Variants in KLRG2 observed in about 807,000 individuals in gnomAD.
KLRG2 encodes killer cell lectin-like receptor subfamily G member 2.
In KLRG2, 39 loss-of-function variants were observed where a neutral mutation model predicts 35.4. That is an observed-to-expected ratio of 1.10 (90% confidence interval 0.85 to 1.44). The LOEUF (loss-of-function observed/expected upper bound fraction) is 1.44. KLRG2 is among the 40% of genes most tolerant of loss of function. The pLI is 0.00. For synonymous variants in KLRG2, 283 were observed against 265.8 expected (o/e 1.06, Z -0.63); for missense variants, 632 against 570.9 (o/e 1.11, Z -1.09).
chr7:139,463,124 C>T (rs542136500), intron 3 of KLRG2, among the ~76,000 whole-genome samples: 4 of 152,220 alleles, frequency 2.6e-5, no homozygotes, highest in South Asian at 2.1e-4. Flanking sequence ...TTTCTTTATC[C>T]GACCTCTCCC....
intron 3 of KLRG2, among the ~76,000 whole-genome samples, chr7:139,465,537 A>G (rs1193718777): frequency 2.0e-5 from 3 of 151,952 alleles, no homozygotes; most frequent in African/African-American, 7.3e-5. Flanking sequence ...CTAAAAATAC[A>G]AAAAATTAGC....
chr7:139,444,288 G>C, the KLRG2 span, among the ~76,000 whole-genome samples: 1 of 152,180 alleles, frequency 6.6e-6, no homozygotes, highest in Middle Eastern at 3.4e-3. Flanking sequence ...ATCCAATCAA[G>C]TTGACACTCA....
At position 139,480,258 on chromosome 7, in the gene KLRG2, G is replaced by T. The variant is rs370662949; in HGVS notation, c.758-11C>A. On this transcript the variant is annotated splice_polypyrimidine_tract_variant and intron_variant, in intron 1 of 4. Coordinates refer to ENST00000340940, the MANE Select transcript of KLRG2 (RefSeq NM_198508.4). Reference sequence around the variant, plus strand: ...CGTACATGGGTAGCCCTGGGACGGGGGCAAACAGGATAATCAGATTAGTGG... The same window carrying T: ...CGTACATGGGTAGCCCTGGGACGGGTGCAAACAGGATAATCAGATTAGTGG... 3.9e-5 allele frequency: 58 copies of T among 1,498,890 alleles called. No homozygotes were observed. The highest frequency in any genetic ancestry group is 1.7e-4 in the Middle Eastern group (1 of 5,860). The allele number at this position is 1,498,890 out of a possible 1,614,324, so 92.8% of individuals were successfully genotyped here.
Position 139,480,181 on chromosome 7 carries a change from G to A in KLRG2, c.824C>T (p.Ser275Phe), listed in dbSNP as rs1796930462. 12 of 1,613,892 alleles carry A rather than the reference G, an allele frequency of 7.4e-6. No homozygotes were observed. Among genetic ancestry groups the A allele is most frequent in the Non-Finnish European group, 8.5e-6 (10 of 1,179,868 alleles). ...LAFMAVLLAV[S>F]GVVIVVLASR... ...GGCCAGGACCACAATGACAACCCCA[G>A]AGACTGCCAGGAGCACAGCCATGAA... The change falls in exon 2 of 5, where the codon TCT becomes TTT. Residue 275 changes from serine to phenylalanine, a missense_variant. Coordinates refer to ENST00000340940, the MANE Select transcript of KLRG2 (RefSeq NM_198508.4).
At chr7:139,427,706 C>G in the KLRG2 span, among the ~76,000 whole-genome samples, 5 of 152,188 alleles carry the variant, frequency 3.3e-5, no homozygotes, top group Non-Finnish European at 5.9e-5. Flanking sequence ...CATCTTGTGT[C>G]TCTTAAGAGC....
At chr7:139,431,923 C>T in the KLRG2 span, among the ~76,000 whole-genome samples, 2 of 152,130 alleles carry the variant, frequency 1.3e-5, no homozygotes, top group African/African-American at 2.4e-5. Context: ...CAGAACTTCT[C>T]AACCCAGGCT....
chr7:139,445,797 G>GTATATATATATATATATATATGTGTA, the KLRG2 span, among the ~76,000 whole-genome samples: 8 of 99,022 alleles, frequency 8.1e-5, no homozygotes, highest in African/African-American at 6.1e-4. Context: ...ATATATGTGT[G>GTATATATATATATATATATATGTGTA]TATATATATA....
At chr7:139,459,651 C>T (rs570183533) in intron 3 of KLRG2, among the ~76,000 whole-genome samples, 1 of 152,364 alleles carries the variant, frequency 6.6e-6, no homozygotes, top group East Asian at 1.9e-4. Flanking sequence ...GGTGCCCTGG[C>T]ATATTCCCCC....
intron 3 of KLRG2, among the ~76,000 whole-genome samples, chr7:139,456,859 T>C (rs1266551042): frequency 6.6e-6 from 1 of 152,120 alleles, no homozygotes; most frequent in Admixed American, 6.6e-5. Flanking sequence ...CAGGAGCTTG[T>C]CTTACTCAGC....
chr7:139,431,357 C>G, the KLRG2 span, among the ~76,000 whole-genome samples: 1 of 151,984 alleles, frequency 6.6e-6, no homozygotes, highest in South Asian at 2.1e-4. Flanking sequence ...TGTCAAAAGG[C>G]AGTCTTAAAA....
chr7:139,454,011 A>G, intron 4 of KLRG2, 100 bp downstream of exon 4: 1 of 811,704 alleles, frequency 1.2e-6, no homozygotes, highest in South Asian at 1.5e-5. Context: ...CTGCTTTCCA[A>G]GTGGCATTCC....
chr7:139,455,022 GA>G (rs1277451281), intron 3 of KLRG2, among the ~76,000 whole-genome samples: 1 of 121,060 alleles, frequency 8.3e-6, no homozygotes, highest in Non-Finnish European at 1.6e-5. Context: ...ATATATTTAA[GA>G]TTTTTTTTTT....
chr7:139,449,010 G>A (rs574875513), downstream of KLRG2, among the ~76,000 whole-genome samples: 1 of 151,988 alleles, frequency 6.6e-6, no homozygotes, highest in African/African-American at 2.4e-5. Flanking sequence ...GGGGGGCTGA[G>A]GCAGAGAATT....
intron 3 of KLRG2, among the ~76,000 whole-genome samples, chr7:139,464,204 C>A (rs1796613835): frequency 6.6e-6 from 1 of 152,134 alleles, no homozygotes; most frequent in Admixed American, 6.5e-5. Context: ...CCTCTACTCC[C>A]TCCTTGGCGA....
intron 3 of KLRG2, among the ~76,000 whole-genome samples, chr7:139,467,235 C>T (rs2116454369): frequency 6.6e-6 from 1 of 152,236 alleles, no homozygotes; most frequent in African/African-American, 2.4e-5. Flanking sequence ...TTCGCCGCCC[C>T]AACACTTTAC....
rs199708788 is a variant in KLRG2, at chr7:139,454,183, T to G, written c.1037A>C (p.His346Pro). The stretch of plus-strand genomic sequence containing the variant: ...GCCTCGCCAGGCCCCCACCCAGGAG[T>G]GCCTGGAGACTGGGTATCTGCCCAG... ...DFLGRYPVSR[H>P]SWVGAWRGPQ... The change falls in exon 4 of 5, where the codon CAC (histidine) becomes CCC (proline). Residue 346 changes from histidine to proline, a missense_variant. Transcript: ENST00000340940. 6.5e-7 allele frequency: 1 copy of G among 1,543,022 alleles called. No individual in the cohort carries two copies. Among genetic ancestry groups the G allele is most frequent in the Non-Finnish European group, 8.8e-7 (1 of 1,141,432 alleles).
chr7:139,481,038 C>G lies in KLRG2; in HGVS notation c.758-791G>C, dbSNP rs1258661779. The stretch of plus-strand genomic sequence containing the variant: ...GGATTACAGGCGTGAGCCACCGTGC[C>G]CAGCTTCAGGAGCCTTATATGTGGA... On this transcript the variant is annotated intron_variant, in intron 1 of 4. Transcript: ENST00000340940. 2.6e-5 allele frequency among the ~76,000 whole-genome samples: 4 copies of G among 152,184 alleles called. No individual in the cohort carries two copies. The East Asian group carries it at 7.7e-4, about 29-fold the overall frequency.
intron 3 of KLRG2, among the ~76,000 whole-genome samples, chr7:139,457,467 C>T (rs1013941866): frequency 3.3e-5 from 5 of 152,144 alleles, no homozygotes; most frequent in East Asian, 1.9e-4. Context: ...CTTTCAGAGC[C>T]GCTGTGTGGT....
the KLRG2 span, among the ~76,000 whole-genome samples, chr7:139,443,864 A>G: frequency 1.3e-5 from 2 of 152,210 alleles, no homozygotes; most frequent in South Asian, 2.1e-4. Context: ...GTTAAGTCCC[A>G]TGATAGGCTG....
Sources: allele counts gnomAD v4.1 joint callset (sites outside exome capture counted in the v4.1 genomes callset), GRCh38; gene constraint gnomAD v4.1.1; transcripts MANE v1.5; gene names NCBI Gene and HGNC (gene_info 2026-07-23, HGNC 2026-07-21).